The following COL28A1 variants were observed in gnomAD, a reference collection of about 807,000 sequenced individuals.
The protein encoded by COL28A1 is collagen alpha-1(XXVIII) chain.
In COL28A1, 161 loss-of-function variants were observed where a neutral mutation model predicts 150.2. The ratio of observed to expected loss-of-function variants is 1.07; its 90% CI spans 0.94 to 1.22. The LOEUF (loss-of-function observed/expected upper bound fraction) is 1.22, where lower values mean the gene tolerates loss of function less well. COL28A1 is among the 50% of genes most tolerant of loss of function. The pLI is 0.00. For missense variants in COL28A1, 1,617 were observed against 1,388.3 expected (o/e 1.16, Z -2.62); for synonymous variants, 552 against 469.7 (o/e 1.18, Z -2.26).
intron 5 of COL28A1, 118 bp from the exon 6 acceptor site, chr7:7,520,233 C>T: frequency 1.8e-6 from 1 of 553,752 alleles, no homozygotes. Context: ...AAACCTTTAC[C>T]TGCCAAGCAG....
chr7:7,414,332 G>A (rs956531840), intron 27 of COL28A1, among the ~76,000 whole-genome samples: 64 of 152,290 alleles, frequency 4.2e-4, no homozygotes, highest in African/African-American at 1.5e-3. Context: ...CCTGTGACAT[G>A]AACCTGAAAG....
intron 1 of COL28A1, among the ~76,000 whole-genome samples, chr7:7,535,498 TA>T (rs1287657394): frequency 6.6e-6 from 1 of 152,156 alleles, no homozygotes; most frequent in Non-Finnish European, 1.5e-5. Context: ...TAAAATATAT[TA>T]ACATCGTTGT....
In COL28A1 at chr7:7,419,191, T is replaced by C. The variant is rs756754756; in HGVS notation, c.2067+694A>G. On this transcript the variant is annotated intron_variant, in intron 26 of 34. Coordinates refer to ENST00000399429, the MANE Select transcript of COL28A1 (RefSeq NM_001037763.3). ...ACAATTAAAACTAGGTTTCTCAAAC[T>C]CAGCACTATTAACATTTTGAGCTGA... Among the ~76,000 whole-genome samples the C allele has an allele frequency of 3.4e-4, 52 of 152,202 alleles. 1 individual carries two copies. Among genetic ancestry groups the C allele is most frequent in the Non-Finnish European group, 5.6e-4 (38 of 68,050 alleles).
intron 32 of COL28A1, among the ~76,000 whole-genome samples, 190 bp from the exon 33 acceptor site, chr7:7,371,072 C>A (rs575931105): frequency 3.9e-5 from 6 of 152,072 alleles, no homozygotes; most frequent in Non-Finnish European, 8.8e-5. Flanking sequence ...ATATATATGA[C>A]ACAAAGAGGC....
intron 27 of COL28A1, among the ~76,000 whole-genome samples, chr7:7,411,895 G>A (rs977596084): frequency 6.6e-6 from 1 of 152,120 alleles, no homozygotes; most frequent in African/African-American, 2.4e-5. Flanking sequence ...AGAATGACGG[G>A]GCATTCTGGA....
At chr7:7,416,233 T>C (rs972393327) in intron 27 of COL28A1, among the ~76,000 whole-genome samples, 1 of 152,210 alleles carries the variant, frequency 6.6e-6, no homozygotes, top group Non-Finnish European at 1.5e-5. Flanking sequence ...ATTTTGGTGC[T>C]TTCCTGTGAT....
chr7:7,397,958 G>C (rs1782940617), intron 27 of COL28A1, among the ~76,000 whole-genome samples: 1 of 152,158 alleles, frequency 6.6e-6, no homozygotes, highest in African/African-American at 2.4e-5. Flanking sequence ...TTTTGCATTT[G>C]CCTCAGAGTG....
At chr7:7,393,565 C>A (rs1031498622) in intron 27 of COL28A1, among the ~76,000 whole-genome samples, 2 of 152,088 alleles carry the variant, frequency 1.3e-5, no homozygotes, top group African/African-American at 4.8e-5. Context: ...GTCTCCCCTT[C>A]CCCCAGGTGC....
intron 27 of COL28A1, among the ~76,000 whole-genome samples, chr7:7,394,312 A>G (rs1373735472): frequency 6.6e-6 from 1 of 152,120 alleles, no homozygotes; most frequent in Non-Finnish European, 1.5e-5. Flanking sequence ...CTCAGTTGGA[A>G]ATGCAGAAAT....
chr7:7,496,012 T>C (rs1780189727), intron 11 of COL28A1, among the ~76,000 whole-genome samples: 1 of 152,158 alleles, frequency 6.6e-6, no homozygotes, highest in African/African-American at 2.4e-5. Flanking sequence ...CCACAGGATC[T>C]TTGCACAGTC....
chr7:7,343,161 A>C, the COL28A1 span, among the ~76,000 whole-genome samples: 4 of 151,244 alleles, frequency 2.6e-5, no homozygotes, highest in Non-Finnish European at 5.9e-5. Context: ...CTGTAGTTTC[A>C]TATTATATAT....
chr7:7,475,830 A>C (rs907414644), intron 14 of COL28A1, among the ~76,000 whole-genome samples: 2 of 152,212 alleles, frequency 1.3e-5, no homozygotes, highest in Non-Finnish European at 2.9e-5. Context: ...CTGTCTTCTG[A>C]TAGTGATACT....
intron 25 of COL28A1, among the ~76,000 whole-genome samples, chr7:7,422,608 G>A (rs190535743): frequency 1.1e-4 from 17 of 151,708 alleles, no homozygotes; most frequent in African/African-American, 4.1e-4. Flanking sequence ...CAGCCTGGGT[G>A]ACAGAGTGAG....
chr7:7,520,126 AGGG>A lies in COL28A1; in HGVS notation c.760-14_760-12del. The A allele has an allele frequency of 1.7e-6, 2 of 1,204,036 alleles. No homozygotes were observed. Among genetic ancestry groups the A allele is most frequent in the Non-Finnish European group, 1.2e-6 (1 of 809,966 alleles). The allele number at this position is 1,204,036 out of a possible 1,614,324, so 74.6% of individuals were successfully genotyped here. A position where few individuals can be genotyped will look rare whatever the true frequency, so the allele number is the denominator to read the frequency against. On this transcript the variant is annotated splice_polypyrimidine_tract_variant and intron_variant, in intron 5 of 34. Coordinates refer to ENST00000399429, the MANE Select transcript of COL28A1 (RefSeq NM_001037763.3). Reference sequence around the variant, plus strand: ...ATTTCCATGTGTACCCTGAAGGCAAAGGGAAAAAATATTATTTTAAGTAGGAAT... The same window carrying A: ...ATTTCCATGTGTACCCTGAAGGCAAAAAAAAATATTATTTTAAGTAGGAAT...
intron 27 of COL28A1, among the ~76,000 whole-genome samples, chr7:7,402,794 C>T (rs1783284551): frequency 6.6e-6 from 1 of 152,160 alleles, no homozygotes; most frequent in Admixed American, 6.5e-5. Context: ...GGGGCTTTAG[C>T]TGTGATAGTC....
At chr7:7,450,638 G>A (rs1189539025) in intron 18 of COL28A1, among the ~76,000 whole-genome samples, 8 of 152,114 alleles carry the variant, frequency 5.3e-5, no homozygotes, top group Non-Finnish European at 8.8e-5. Flanking sequence ...AGACTCGCAC[G>A]CTCTATGATC....
intron 18 of COL28A1, among the ~76,000 whole-genome samples, chr7:7,445,951 C>T (rs530157494): frequency 9.2e-5 from 14 of 151,936 alleles, no homozygotes; most frequent in Admixed American, 6.5e-4. Context: ...CTCCGCCTCC[C>T]GGGTTCAAGT....
At chr7:7,511,415 T>C (rs183142911) in intron 8 of COL28A1, among the ~76,000 whole-genome samples, 1 of 152,326 alleles carries the variant, frequency 6.6e-6, no homozygotes, top group Admixed American at 6.5e-5. Context: ...AAAAGGAACC[T>C]AGCATCTAAT....
intron 31 of COL28A1, among the ~76,000 whole-genome samples, chr7:7,374,402 T>G (rs1340580793): frequency 6.6e-6 from 1 of 152,174 alleles, no homozygotes; most frequent in African/African-American, 2.4e-5. Context: ...CAGGAACAGC[T>G]ATCCCTAACT....
Sources: allele counts gnomAD v4.1 joint callset (sites outside exome capture counted in the v4.1 genomes callset), GRCh38; gene constraint gnomAD v4.1.1; transcripts MANE v1.5; gene names NCBI Gene and HGNC (gene_info 2026-07-23, HGNC 2026-07-21).